Variants in COL24A1 observed in about 807,000 individuals in gnomAD.
COL24A1 encodes collagen alpha-1(XXIV) chain.
Under a neutral mutation model 253.9 loss-of-function variants are expected in COL24A1, and 224 were observed. The ratio of observed to expected loss-of-function variants is 0.88; its 90% CI spans 0.79 to 0.99. COL24A1 has a LOEUF of 0.99. Ranked by LOEUF, COL24A1 falls within the 50% of genes least tolerant of loss-of-function variation. The probability of loss-of-function intolerance (pLI) is 0.00; values close to 1 mark genes in which losing one functional copy is unlikely to be tolerated. For synonymous variants in COL24A1, 685 were observed against 673.7 expected (o/e 1.02, Z -0.26); for missense variants, 2,131 against 2,068.5 (o/e 1.03, Z -0.59).
At chr1:86,124,729 CAG>C (rs1329647203) in intron 3 of COL24A1, 114 bp downstream of exon 3, 1 of 708,488 alleles carries the variant, frequency 1.4e-6, no homozygotes, top group African/African-American at 1.9e-5. Context: ...ATTTCCATGA[CAG>C]ACTTTATCTG....
At chr1:86,112,471 T>C in intron 5 of COL24A1, 96 bp downstream of exon 5, 1 of 1,083,766 alleles carries the variant, frequency 9.2e-7, no homozygotes, top group Non-Finnish European at 1.4e-6. Flanking sequence ...CCTTGATGTA[T>C]CAAGACTTGC....
chr1:86,058,402 T>G (rs1700817156), intron 9 of COL24A1, among the ~76,000 whole-genome samples: 1 of 151,146 alleles, frequency 6.6e-6, no homozygotes, highest in Non-Finnish European at 1.5e-5. Context: ...ATAACATATA[T>G]TATCACTTGA....
chr1:86,073,013 A>G (rs1242773686), intron 7 of COL24A1, among the ~76,000 whole-genome samples: 1 of 152,198 alleles, frequency 6.6e-6, no homozygotes, highest in African/African-American at 2.4e-5. Flanking sequence ...ATCCACAAAG[A>G]TCAGGAAAAA....
chr1:86,083,789 A>C lies in COL24A1; in HGVS notation c.1707+5385T>G, dbSNP rs116912816. Among the ~76,000 whole-genome samples the C allele has an allele frequency of 2.5e-3, 374 of 152,288 alleles. 10 individuals are homozygous for C. In the East Asian group the frequency reaches 0.046, roughly 19 times the overall value. Reference sequence around the variant, plus strand: ...ACAGTAAACTGAATTTAAGAGCAACATTTTCATTCATTCACTCATAATATG... The same window carrying C: ...ACAGTAAACTGAATTTAAGAGCAACCTTTTCATTCATTCACTCATAATATG... On this transcript the variant is annotated intron_variant, in intron 7 of 59. Transcript: ENST00000370571.
intron 53 of COL24A1, among the ~76,000 whole-genome samples, chr1:85,762,238 C>T (rs1175869520): frequency 2.6e-5 from 4 of 152,070 alleles, no homozygotes; most frequent in Non-Finnish European, 2.9e-5. Flanking sequence ...ACTCCAATTA[C>T]GGTTAAAAGA....
At chr1:86,089,136 A>AG in intron 7 of COL24A1, 38 bp downstream of exon 7, 3 of 1,533,114 alleles carry the variant, frequency 2.0e-6, no homozygotes, top group South Asian at 1.2e-5. Context: ...AAAAGAAAAA[A>AG]AGAAGAAAAA....
chr1:85,952,399 T>C (rs2100590895), intron 24 of COL24A1, among the ~76,000 whole-genome samples: 1 of 152,358 alleles, frequency 6.6e-6, no homozygotes, highest in East Asian at 1.9e-4. Flanking sequence ...GCAAATTAAT[T>C]CATTATGTTC....
chr1:85,900,762 G>A lies in COL24A1; in HGVS notation c.2779-4353C>T, dbSNP rs191167747. On this transcript the variant is annotated intron_variant, in intron 28 of 59. Coordinates refer to ENST00000370571, the MANE Select transcript of COL24A1 (RefSeq NM_152890.7). ...AGAGAGCCCAGAAATAAATCTACAC[G>A]TTTATAGCCAGCTGATTTTTGACAA... Among the ~76,000 whole-genome samples the A allele has an allele frequency of 6.1e-3, 925 of 152,238 alleles. 3 individuals are homozygous for A. The highest frequency in any genetic ancestry group is 0.01 in the Non-Finnish European group (697 of 68,002).
At chr1:85,823,398 A>G in intron 45 of COL24A1, 138 bp downstream of exon 45, 1 of 736,706 alleles carries the variant, frequency 1.4e-6, no homozygotes, top group African/African-American at 1.8e-5. Flanking sequence ...AAAACACCCT[A>G]CTTAGAGGCC....
intron 53 of COL24A1, among the ~76,000 whole-genome samples, chr1:85,774,466 T>C (rs1341637671): frequency 6.6e-6 from 1 of 152,210 alleles, no homozygotes; most frequent in Non-Finnish European, 1.5e-5. Context: ...TCCTTGTACC[T>C]CTAGTAGAAT....
chr1:86,022,290 C>T lies in COL24A1; in HGVS notation c.2206G>A (p.Ala736Thr). Reference protein sequence around the residue: ...GEPGYPGDKGAVGLPGPPGMR... With the variant: ...GEPGYPGDKGTVGLPGPPGMR... ...CCTGGTGGTCCTGGTAAACCAACAG[C>T]ACCCTAAGAGAAGAGAATAACAGAA... Residue 736 changes from alanine to threonine, a missense_variant, in exon 18 of 60, where the codon GCT (alanine) becomes ACT (threonine). Transcript: ENST00000370571. 4.4e-6 allele frequency: 7 copies of T among 1,582,164 alleles called. No homozygotes were observed. The highest frequency in any genetic ancestry group is 6.0e-6 in the Non-Finnish European group (7 of 1,170,678).
intron 19 of COL24A1, among the ~76,000 whole-genome samples, chr1:85,994,279 G>A (rs2100991785): frequency 6.6e-6 from 1 of 151,932 alleles, no homozygotes; most frequent in Non-Finnish European, 1.5e-5. Context: ...GGCTGGTGTT[G>A]TGTATATATA....
At chr1:86,022,906 T>C in intron 15 of COL24A1, 29 bp from the exon 16 acceptor site, 1 of 1,612,172 alleles carries the variant, frequency 6.2e-7, no homozygotes, top group Admixed American at 1.7e-5. Context: ...TTTTGTGATA[T>C]CATAGACAGA....
At chr1:85,920,960 C>A (rs1378182745) in intron 24 of COL24A1, among the ~76,000 whole-genome samples, 2 of 151,854 alleles carry the variant, frequency 1.3e-5, no homozygotes, top group East Asian at 3.9e-4. Context: ...AAGAAAGAGT[C>A]ACAAAAGAAA....
At chr1:85,838,973 G>A (rs1429699209) in intron 42 of COL24A1, among the ~76,000 whole-genome samples, 1 of 152,138 alleles carries the variant, frequency 6.6e-6, no homozygotes, top group Non-Finnish European at 1.5e-5. Flanking sequence ...GCTGAGGCAG[G>A]AGGATCCCTT....
At chr1:85,913,385 A>G (rs538014122) in intron 24 of COL24A1, among the ~76,000 whole-genome samples, 1 of 152,274 alleles carries the variant, frequency 6.6e-6, no homozygotes, top group East Asian at 1.9e-4. Flanking sequence ...TGTTTCTCCT[A>G]TAACTAGTAT....
At chr1:85,941,903 A>G (rs1688791331) in intron 24 of COL24A1, among the ~76,000 whole-genome samples, 1 of 152,208 alleles carries the variant, frequency 6.6e-6, no homozygotes, top group Non-Finnish European at 1.5e-5. Flanking sequence ...ATTGTCTAGC[A>G]GCATACTGGG....
intron 20 of COL24A1, among the ~76,000 whole-genome samples, chr1:85,985,252 A>G (rs2100899946): frequency 6.6e-6 from 1 of 151,916 alleles, no homozygotes; most frequent in South Asian, 2.1e-4. Context: ...GCAGAAGGGC[A>G]TAGGAACATA....
At chr1:86,054,523 C>T (rs1209743114) in intron 10 of COL24A1, among the ~76,000 whole-genome samples, 4 of 151,950 alleles carry the variant, frequency 2.6e-5, no homozygotes, top group African/African-American at 9.7e-5. Context: ...GACATATAAG[C>T]GGCCCCAAAA....
Sources: gnomAD v4.1 joint callset for allele counts (sites outside exome capture counted in the v4.1 genomes callset) on GRCh38, gnomAD v4.1.1 for gene constraint, MANE v1.5 for transcripts, NCBI Gene and HGNC (gene_info 2026-07-23, HGNC 2026-07-21) for gene names.